Variants in SPEF2 observed in about 807,000 individuals in gnomAD.
SPEF2 encodes the protein sperm flagella and cilia-associated protein 2.
SPEF2 carries 187 observed loss-of-function variants against 224.6 expected under a neutral mutation model. That is an observed-to-expected ratio of 0.83 (90% CI 0.74 to 0.94). The LOEUF (loss-of-function observed/expected upper bound fraction) is 0.94. SPEF2 is among the 40% of genes least tolerant of loss of function. The probability of loss-of-function intolerance (pLI) is 0.00; values close to 1 mark genes in which losing one functional copy is unlikely to be tolerated. For missense variants in SPEF2, 2,170 were observed against 2,135.6 expected (o/e 1.02, Z -0.32); for synonymous variants, 715 against 707.3 (o/e 1.01, Z -0.17).
chr5:35,694,745 T>C (rs1275803236), intron 13 of SPEF2, among the ~76,000 whole-genome samples: 1 of 152,170 alleles, frequency 6.6e-6, no homozygotes, highest in Non-Finnish European at 1.5e-5. Context: ...TCCTGCTTTG[T>C]TTATTGTATT....
chr5:35,786,524 G>A (rs1334506311), intron 30 of SPEF2, among the ~76,000 whole-genome samples: 1 of 152,138 alleles, frequency 6.6e-6, no homozygotes, highest in Non-Finnish European at 1.5e-5. Context: ...GCCGGGCGTG[G>A]TGGCAGTTGC....
In SPEF2 at chr5:35,641,577, C is replaced by G; in HGVS notation, c.308C>G (p.Ala103Gly). ...ATKLLYQLYI[A>G]LQKKKKSGLT... is the part of the protein sequence containing the mutation. Reference sequence around the variant, plus strand: ...AAGCTGTTATATCAATTGTACATTGCTCTTCAGAAAAAGAAGAAAAGTGGA... The same window carrying G: ...AAGCTGTTATATCAATTGTACATTGGTCTTCAGAAAAAGAAGAAAAGTGGA... Residue 103 changes from alanine (A) to glycine (G), a missense_variant, in exon 3 of 37, where the codon GCT becomes GGT. Ala to Gly is a moderately conservative substitution (Grantham distance 60). Transcript: ENST00000356031. 1.2e-6 allele frequency: 2 copies of G among 1,613,666 alleles called. No homozygotes were observed. The highest frequency in any genetic ancestry group is 1.7e-6 in the Non-Finnish European group (2 of 1,179,770).
chr5:35,744,599 C>G (rs1057197564), intron 23 of SPEF2, among the ~76,000 whole-genome samples: 1 of 151,994 alleles, frequency 6.6e-6, no homozygotes, highest in African/African-American at 2.4e-5. Flanking sequence ...TCTCCAGAGC[C>G]CTGCTTTTGT....
intron 23 of SPEF2, among the ~76,000 whole-genome samples, chr5:35,747,647 A>C (rs572572340): frequency 6.6e-6 from 1 of 152,206 alleles, no homozygotes; most frequent in South Asian, 2.1e-4. Context: ...AATCCTAAAC[A>C]TATATGCACC....
At position 35,711,749 on chromosome 5, in the gene SPEF2, T is replaced by C. The variant is rs145891276; in HGVS notation, c.2840-1063T>C. ...TATTTCTGTGGAATCTTGGTTATCA[T>C]GTCTGTGATATTTAATGTAAGTGAA... On this transcript the variant is annotated intron_variant, in intron 19 of 36. Transcript: ENST00000356031. Among the ~76,000 whole-genome samples the C allele has an allele frequency of 2.1e-3, 167 of 78,676 alleles. 2 individuals are homozygous for C. In the East Asian group the frequency reaches 0.051, roughly 24 times the overall value. 51.6% of individuals were successfully genotyped at this position (78,676 alleles called of 152,430 possible).
intron 26 of SPEF2, among the ~76,000 whole-genome samples, chr5:35,765,561 C>T (rs1414436744): frequency 6.6e-6 from 1 of 152,200 alleles, no homozygotes; most frequent in African/African-American, 2.4e-5. Context: ...TCATCTTTGT[C>T]ATACATTAGA....
intron 2 of SPEF2, among the ~76,000 whole-genome samples, 159 bp downstream of exon 2, chr5:35,628,721 A>G (rs1199217416): frequency 6.6e-6 from 1 of 152,132 alleles, no homozygotes; most frequent in East Asian, 1.9e-4. Context: ...CTTCCCAAAT[A>G]GGTGGGACTA....
chr5:35,637,161 G>A (rs1158202502), intron 2 of SPEF2, among the ~76,000 whole-genome samples: 1 of 152,014 alleles, frequency 6.6e-6, no homozygotes, highest in Non-Finnish European at 1.5e-5. Context: ...GTGAGGTATG[G>A]ACATGGAGCA....
chr5:35,799,905 C>T, intron 33 of SPEF2, 63 bp from the exon 34 acceptor site: 1 of 1,565,396 alleles, frequency 6.4e-7, no homozygotes, highest in Non-Finnish European at 8.7e-7. Context: ...TTCTTCATTG[C>T]ATGACTAACT....
chr5:35,798,775 T>G (rs4346795), intron 33 of SPEF2, among the ~76,000 whole-genome samples: 150,096 of 152,096 alleles, frequency 0.99, 74,095 homozygotes, highest in East Asian at 1. Context: ...TGTACTTTTA[T>G]TAGAGATGGG....
chr5:35,700,412 A>C, intron 15 of SPEF2, 84 bp from the exon 16 acceptor site: 2 of 1,275,182 alleles, frequency 1.6e-6, no homozygotes, highest in South Asian at 2.8e-5. Context: ...TGTGGAATTG[A>C]AAGAAAAAGG....
chr5:35,671,771 A>T (rs1442266298), intron 10 of SPEF2, among the ~76,000 whole-genome samples: 1 of 151,938 alleles, frequency 6.6e-6, no homozygotes, highest in East Asian at 1.9e-4. Flanking sequence ...GAAGCAGATG[A>T]TGCATTTCTT....
intron 5 of SPEF2, among the ~76,000 whole-genome samples, chr5:35,648,238 C>CTT (rs139486927): frequency 1.3e-3 from 204 of 151,324 alleles, no homozygotes; most frequent in African/African-American, 4.7e-3. Context: ...CATTAATTCA[C>CTT]TTTTTTTTTG....
intron 11 of SPEF2, among the ~76,000 whole-genome samples, chr5:35,692,324 T>C (rs1174319495): frequency 6.6e-6 from 1 of 152,078 alleles, no homozygotes; most frequent in Non-Finnish European, 1.5e-5. Flanking sequence ...GGCAGTAGAA[T>C]TGCTTGAACC....
At chr5:35,704,487 A>G in intron 16 of SPEF2, 67 bp from the exon 17 acceptor site, 1 of 977,508 alleles carries the variant, frequency 1.0e-6, no homozygotes, top group Non-Finnish European at 1.6e-6. Flanking sequence ...TTTCACCAGT[A>G]TATTTTAGCA....
Position 35,691,214 on chromosome 5 carries a change from A to C in SPEF2, c.1702A>C (p.Thr568Pro). 6.2e-7 allele frequency: 1 copy of C among 1,614,034 alleles called. No homozygotes were observed. Among genetic ancestry groups the C allele is most frequent in the Non-Finnish European group, 8.5e-7 (1 of 1,179,940 alleles). ...TGTTAAAGGATGCTTATTGGGGAAA[A>C]CATTAAGTGGAAAAACTACCATTTT... is the stretch of plus-strand genomic sequence containing the variant. ...FAVKGCLLGK[T>P]LSGKTTILRS... is the part of the protein sequence containing the mutation. The change falls in exon 11 of 37, where the codon ACA (threonine) becomes CCA (proline). Residue 568 changes from threonine to proline, a missense_variant. Thr to Pro is a conservative substitution (Grantham distance 38). Coordinates refer to ENST00000356031, the MANE Select transcript of SPEF2 (RefSeq NM_024867.4).
intron 30 of SPEF2, among the ~76,000 whole-genome samples, chr5:35,785,261 T>C (rs1754935868): frequency 6.6e-6 from 1 of 152,166 alleles, no homozygotes; most frequent in Non-Finnish European, 1.5e-5. Context: ...CAGATTCAGA[T>C]CACAGAAATG....
intron 30 of SPEF2, chr5:35,789,329 G>A (rs1388130098): frequency 2.8e-6 from 2 of 703,348 alleles, no homozygotes; most frequent in Non-Finnish European, 5.2e-6. Context: ...TGACATATTT[G>A]CCACTTTAGA....
At chr5:35,809,537 T>C (rs954261075) in intron 36 of SPEF2, among the ~76,000 whole-genome samples, 3 of 152,048 alleles carry the variant, frequency 2.0e-5, no homozygotes, top group Admixed American at 2.0e-4. Context: ...AGCAGAGTCC[T>C]GGGTGAAGGC....
Sources: gnomAD v4.1 joint callset for allele counts (sites outside exome capture counted in the v4.1 genomes callset) on GRCh38, gnomAD v4.1.1 for gene constraint, MANE v1.5 for transcripts, NCBI Gene and HGNC (gene_info 2026-07-23, HGNC 2026-07-21) for gene names.